RBMS3: variants seen among roughly 807,000 people sequenced by gnomAD.
The protein encoded by RBMS3 is RNA-binding motif, single-stranded-interacting protein 3.
In RBMS3, 27 loss-of-function variants were observed where a neutral mutation model predicts 66.8. That is an observed-to-expected ratio of 0.40 (90% confidence interval 0.30 to 0.56). The LOEUF is 0.56. Ranked by LOEUF, RBMS3 falls within the 20% of genes least tolerant of loss-of-function variation. The pLI is 0.40. For missense variants in RBMS3, 513 were observed against 549.5 expected, an observed-to-expected ratio of 0.93 and a Z score of 0.66; for synonymous variants, 188 against 183.0, an observed-to-expected ratio of 1.03 and a Z score of -0.22.
chr3:29,796,679 A>G (rs2057201606), intron 6 of RBMS3, among the ~76,000 whole-genome samples: 1 of 151,242 alleles, frequency 6.6e-6, no homozygotes, highest in Admixed American at 6.6e-5. Flanking sequence ...ACCCAGGTGC[A>G]TAATCAATGA....
chr3:29,875,983 A>G (rs2059602942), intron 7 of RBMS3, among the ~76,000 whole-genome samples: 1 of 152,176 alleles, frequency 6.6e-6, no homozygotes, highest in Non-Finnish European at 1.5e-5. Flanking sequence ...GACCCCTTTG[A>G]TGTTCTTTTC....
intron 6 of RBMS3, among the ~76,000 whole-genome samples, chr3:29,802,157 C>T (rs967378388): frequency 1.2e-4 from 18 of 152,156 alleles, no homozygotes; most frequent in African/African-American, 4.3e-4. Context: ...TAAAACCTGA[C>T]AGCAAGCCTG....
chr3:29,504,662 C>A (rs1392727203), intron 3 of RBMS3, among the ~76,000 whole-genome samples: 2 of 151,718 alleles, frequency 1.3e-5, no homozygotes, highest in South Asian at 2.1e-4. Context: ...TTTTGAGAAA[C>A]CTCTATACTG....
chr3:29,755,226 A>T (rs987223181), intron 5 of RBMS3, among the ~76,000 whole-genome samples: 2 of 152,230 alleles, frequency 1.3e-5, no homozygotes, highest in Non-Finnish European at 2.9e-5. Flanking sequence ...GGCTAAAAAA[A>T]TATACTTAGA....
chr3:29,418,443 A>T (rs895735322), intron 1 of RBMS3, among the ~76,000 whole-genome samples: 5 of 152,174 alleles, frequency 3.3e-5, no homozygotes, highest in African/African-American at 1.2e-4. Flanking sequence ...TGACCAGTGG[A>T]ATCCAAATAA....
intron 12 of RBMS3, among the ~76,000 whole-genome samples, chr3:29,957,829 A>G (rs530599573): frequency 6.6e-6 from 1 of 152,168 alleles, no homozygotes; most frequent in African/African-American, 2.4e-5. Context: ...TTGCAAACAT[A>G]CACTGGTCCC....
chr3:29,399,207 ATGTGTGTG>A (rs1491319070), intron 1 of RBMS3, among the ~76,000 whole-genome samples: 1 of 145,882 alleles, frequency 6.9e-6, no homozygotes, highest in Non-Finnish European at 1.5e-5. Context: ...ATGGCCCCAC[ATGTGTGTG>A]TGTGTGTATA....
At chr3:29,353,252 T>A (rs545330825) in intron 1 of RBMS3, among the ~76,000 whole-genome samples, 1 of 152,098 alleles carries the variant, frequency 6.6e-6, no homozygotes, top group South Asian at 2.1e-4. Flanking sequence ...GGCACATTTT[T>A]ATTATGTTCT....
intron 3 of RBMS3, among the ~76,000 whole-genome samples, chr3:29,565,682 C>T (rs1422750247): frequency 6.6e-6 from 1 of 152,170 alleles, no homozygotes; most frequent in Non-Finnish European, 1.5e-5. Context: ...TCCTCAAAAA[C>T]AGCCAAAGTA....
intron 4 of RBMS3, among the ~76,000 whole-genome samples, chr3:29,595,033 T>C (rs1427346443): frequency 6.6e-6 from 1 of 152,176 alleles, no homozygotes; most frequent in East Asian, 1.9e-4. Flanking sequence ...TGTCTTAAAC[T>C]GGGATCCCTA....
At chr3:29,666,816 A>G (rs940240555) in intron 4 of RBMS3, among the ~76,000 whole-genome samples, 2 of 152,194 alleles carry the variant, frequency 1.3e-5, no homozygotes, top group African/African-American at 4.8e-5. Flanking sequence ...AATATTTAGC[A>G]TGCTTATACA....
intron 4 of RBMS3, among the ~76,000 whole-genome samples, chr3:29,653,087 G>A (rs1262539658): frequency 6.6e-6 from 1 of 152,112 alleles, no homozygotes; most frequent in East Asian, 1.9e-4. Flanking sequence ...AAAATGAACA[G>A]CCTTGGTGAA....
In RBMS3 at chr3:29,818,961, A is replaced by G. The variant is rs9816858; in HGVS notation, c.638-49897A>G. On this transcript the variant is annotated intron_variant, in intron 6 of 14. Transcript: ENST00000383767. ...TAAAATGCAAAGAAGTGGACTCTAAAATTGCATGAAATAGTTCTTAAAAAG... is the reference window on the plus strand; with the variant it reads ...TAAAATGCAAAGAAGTGGACTCTAAGATTGCATGAAATAGTTCTTAAAAAG... Among the ~76,000 whole-genome samples, 345 of 152,314 alleles carry G rather than the reference A, an allele frequency of 2.3e-3. 4 individuals are homozygous for G. Among genetic ancestry groups the G allele is most frequent in the African/African-American group, 7.9e-3 (330 of 41,576 alleles).
Position 29,432,113 on chromosome 3 carries a change from C to T in RBMS3, c.76-2630C>T, listed in dbSNP as rs184181943. The stretch of plus-strand genomic sequence containing the variant: ...GAAACATGATAGAAAGCTTGAAGCT[C>T]GCTGCATATGAGATGGTACAGTCTC... On this transcript the variant is annotated intron_variant, in intron 1 of 14. Transcript: ENST00000383767. Among the ~76,000 whole-genome samples the T allele has an allele frequency of 1.3e-4, 20 of 152,132 alleles. No homozygotes were observed. In the East Asian group the frequency reaches 1.3e-3, roughly 10 times the overall value.
intron 4 of RBMS3, among the ~76,000 whole-genome samples, chr3:29,636,967 G>A (rs1428304673): frequency 6.6e-6 from 1 of 151,894 alleles, no homozygotes; most frequent in African/African-American, 2.4e-5. Flanking sequence ...AACATATCAT[G>A]TATGTGTGAA....
intron 6 of RBMS3, among the ~76,000 whole-genome samples, chr3:29,799,579 A>G (rs2057324658): frequency 6.6e-6 from 1 of 152,214 alleles, no homozygotes; most frequent in Non-Finnish European, 1.5e-5. Context: ...TTTTCAAAGC[A>G]ACAAAACAAA....
At chr3:29,354,286 G>A (rs2037089338) in intron 1 of RBMS3, among the ~76,000 whole-genome samples, 1 of 151,942 alleles carries the variant, frequency 6.6e-6, no homozygotes, top group African/African-American at 2.4e-5. Context: ...TTACATATTT[G>A]TGTATATTAA....
chr3:29,680,969 C>T (rs978204025), intron 4 of RBMS3, among the ~76,000 whole-genome samples: 14 of 152,074 alleles, frequency 9.2e-5, no homozygotes, highest in African/African-American at 2.9e-4. Context: ...TTGCTGTCAC[C>T]CTGGAAATTA....
intron 10 of RBMS3, among the ~76,000 whole-genome samples, chr3:29,901,191 C>T (rs2060244420): frequency 6.6e-6 from 1 of 151,578 alleles, no homozygotes; most frequent in Non-Finnish European, 1.5e-5. Context: ...CTTTTCTGTC[C>T]AAGTCATAAG....
Sources: allele counts gnomAD v4.1 joint callset (sites outside exome capture counted in the v4.1 genomes callset), GRCh38; gene constraint gnomAD v4.1.1; transcripts MANE v1.5; gene names NCBI Gene and HGNC (gene_info 2026-07-23, HGNC 2026-07-21).